ASCC1: variants seen among roughly 807,000 people sequenced by gnomAD.
The protein encoded by ASCC1 is activating signal cointegrator 1 complex subunit 1.
In ASCC1, 35 loss-of-function variants were observed where a neutral mutation model predicts 46.6. That is an observed-to-expected ratio of 0.75 (90% CI 0.57 to 0.99). ASCC1 has a LOEUF of 0.99. Ranked by LOEUF, ASCC1 falls within the 50% of genes least tolerant of loss-of-function variation. The pLI, the probability that ASCC1 is intolerant of heterozygous loss-of-function variation, is 0.00. For missense variants in ASCC1, 376 were observed against 428.7 expected, an observed-to-expected ratio of 0.88 and a Z score of 1.09; for synonymous variants, 143 against 146.6, an observed-to-expected ratio of 0.98 and a Z score of 0.18.
intron 1 of ASCC1, among the ~76,000 whole-genome samples, chr10:72,215,452 G>T (rs1243443629): frequency 6.6e-6 from 1 of 152,174 alleles, no homozygotes; most frequent in East Asian, 1.9e-4. Flanking sequence ...GAACCAAGAA[G>T]AGGTTTCGTG....
intron 5 of ASCC1, among the ~76,000 whole-genome samples, chr10:72,179,306 C>T (rs1422306592): frequency 6.6e-6 from 1 of 152,136 alleles, no homozygotes; most frequent in African/African-American, 2.4e-5. Flanking sequence ...CGGCCTGCTG[C>T]TCTTTTTTAA....
chr10:72,188,262 G>A (rs915913126), intron 5 of ASCC1, among the ~76,000 whole-genome samples: 14 of 151,404 alleles, frequency 9.2e-5, no homozygotes, highest in African/African-American at 3.4e-4. Context: ...GGGTTTACAG[G>A]TGCACACCAC....
chr10:72,214,789 A>G (rs76731640), intron 1 of ASCC1, among the ~76,000 whole-genome samples: 5,120 of 152,220 alleles, frequency 0.034, 131 homozygotes, highest in Admixed American at 0.05. Context: ...AATTCATACC[A>G]AACAATCAGT....
chr10:72,146,298 GA>G (rs1398434693), intron 7 of ASCC1, among the ~76,000 whole-genome samples: 2 of 152,166 alleles, frequency 1.3e-5, no homozygotes, highest in African/African-American at 4.8e-5. Flanking sequence ...AATGCCTGGG[GA>G]AAGGGGACTA....
At chr10:72,172,818 AAT>A (rs1320508408) in intron 5 of ASCC1, among the ~76,000 whole-genome samples, 7 of 131,140 alleles carry the variant, frequency 5.3e-5, no homozygotes, top group African/African-American at 2.0e-4. Context: ...TATTATATAT[AAT>A]ATATATTTTA....
rs373821286 is a variant in ASCC1, at chr10:72,211,650, C to T, written c.113-819G>A. ...CATCCTGGCTATCACAGTGAAACCC[C>T]GTCTCTACTAAAAATATAAAAAATT... On this transcript the variant is annotated intron_variant, in intron 2 of 9. Transcript: ENST00000672957. 2.8e-3 allele frequency among the ~76,000 whole-genome samples: 428 copies of T among 151,362 alleles called. 4 individuals carry two copies. Among genetic ancestry groups the T allele is most frequent in the African/African-American group, 9.9e-3 (404 of 40,962 alleles).
At chr10:72,189,848 C>G (rs1564725837) in intron 5 of ASCC1, 27 of 409,782 alleles carry the variant, frequency 6.6e-5, no homozygotes, top group Non-Finnish European at 7.5e-5. Flanking sequence ...AACCATTGTT[C>G]TATTTTATTC....
chr10:72,152,239 G>A (rs1197079493), intron 7 of ASCC1, among the ~76,000 whole-genome samples: 1 of 144,348 alleles, frequency 6.9e-6, no homozygotes, highest in African/African-American at 2.6e-5. Context: ...CTGTTGCCCA[G>A]GCCAGTCTTG....
chr10:72,206,712 T>G (rs1200600240), intron 3 of ASCC1, among the ~76,000 whole-genome samples: 4 of 152,160 alleles, frequency 2.6e-5, no homozygotes, highest in African/African-American at 9.7e-5. Flanking sequence ...AGAGATTCAT[T>G]CCTTTATCTA....
chr10:72,129,793 C>T (rs1845348497), intron 8 of ASCC1, among the ~76,000 whole-genome samples: 1 of 149,086 alleles, frequency 6.7e-6, no homozygotes, highest in African/African-American at 2.5e-5. Context: ...GCAACAAGAG[C>T]AAAACTTCAT....
chr10:72,147,561 T>C (rs775809654), intron 7 of ASCC1, among the ~76,000 whole-genome samples: 1 of 152,160 alleles, frequency 6.6e-6, no homozygotes, highest in Non-Finnish European at 1.5e-5. Context: ...CCTAAAATAA[T>C]AAATTTTAAG....
chr10:72,122,170 C>T (rs1043333292), intron 9 of ASCC1, among the ~76,000 whole-genome samples: 1 of 152,180 alleles, frequency 6.6e-6, no homozygotes, highest in Non-Finnish European at 1.5e-5. Flanking sequence ...CCTGTAATCC[C>T]AACACTTTGG....
At chr10:72,100,374 C>A (rs1378840720) in intron 9 of ASCC1, among the ~76,000 whole-genome samples, 1 of 151,906 alleles carries the variant, frequency 6.6e-6, no homozygotes, top group Non-Finnish European at 1.5e-5. Flanking sequence ...TACAGGCATA[C>A]ACCACCACAC....
chr10:72,203,149 G>A (rs1309961083), intron 4 of ASCC1, among the ~76,000 whole-genome samples: 1 of 152,062 alleles, frequency 6.6e-6, no homozygotes, highest in Non-Finnish European at 1.5e-5. Context: ...AGCCAGGCGT[G>A]GTGGCACATG....
chr10:72,198,342 G>A (rs1589598108), intron 4 of ASCC1: 11 of 42,488 alleles, frequency 2.6e-4, no homozygotes, highest in Non-Finnish European at 3.8e-4. Flanking sequence ...GGAGGAGAGG[G>A]GAGGGGAGGG....
chr10:72,192,708 C>T (rs1472862592), intron 5 of ASCC1, among the ~76,000 whole-genome samples: 4 of 151,944 alleles, frequency 2.6e-5, no homozygotes, highest in Non-Finnish European at 2.9e-5. Context: ...TGGCAAGGCT[C>T]GTCTCAAACT....
chr10:72,110,485 C>A (rs886131288), intron 9 of ASCC1, among the ~76,000 whole-genome samples: 11 of 152,190 alleles, frequency 7.2e-5, no homozygotes, highest in Non-Finnish European at 1.6e-4. Context: ...AAGGCAGCAT[C>A]CAGAAGTTAA....
chr10:72,171,052 A>C (rs1564690789), intron 5 of ASCC1, among the ~76,000 whole-genome samples: 1 of 152,204 alleles, frequency 6.6e-6, no homozygotes, highest in Non-Finnish European at 1.5e-5. Flanking sequence ...AGCAGTTGAG[A>C]AAGATAAAAA....
intron 3 of ASCC1, among the ~76,000 whole-genome samples, chr10:72,209,291 C>G (rs998247102): frequency 2.6e-5 from 4 of 152,094 alleles, no homozygotes; most frequent in Admixed American, 6.6e-5. Flanking sequence ...CAAGACCAGC[C>G]TGGGAAACAT....
Sources: gnomAD v4.1 joint callset for allele counts (sites outside exome capture counted in the v4.1 genomes callset) on GRCh38, gnomAD v4.1.1 for gene constraint, MANE v1.5 for transcripts, NCBI Gene and HGNC (gene_info 2026-07-23, HGNC 2026-07-21) for gene names.